KLK5: variants seen among roughly 807,000 people sequenced by gnomAD.
KLK5 encodes kallikrein-5.
KLK5 carries 18 observed loss-of-function variants against 24.0 expected under a neutral mutation model. The ratio of observed to expected loss-of-function variants is 0.75; its 90% CI spans 0.52 to 1.11. KLK5 has a LOEUF of 1.11. KLK5 is among the 50% of genes most tolerant of loss of function. The probability of loss-of-function intolerance (pLI) is 0.00; values close to 1 mark genes in which losing one functional copy is unlikely to be tolerated. For synonymous variants in KLK5, 140 were observed against 154.0 expected, an observed-to-expected ratio of 0.91 and a Z score of 0.67; for missense variants, 374 against 379.2, an observed-to-expected ratio of 0.99 and a Z score of 0.11.
chr19:50,948,527 A>G (rs1751778371), intron 5 of KLK5, 113 bp downstream of exon 5: 1 of 1,023,128 alleles, frequency 9.8e-7, no homozygotes, highest in Non-Finnish European at 1.5e-6. Flanking sequence ...GCTCTGTGAG[A>G]ACAGGGGTCC....
chr19:50,950,061 G>C lies in KLK5; in HGVS notation c.129C>G (p.Pro43=). 1 of 1,613,834 alleles carries C rather than the reference G, an allele frequency of 6.2e-7. No individual in the cohort carries two copies. Among genetic ancestry groups the C allele is most frequent in the Non-Finnish European group, 8.5e-7 (1 of 1,179,966 alleles). ...CTCCCAGGTCCTGGTTGCTCCCAGA[G>C]GGCACGGTGTTAGAGGGGTGGTCAC... The part of the protein sequence containing the change: ...VSCDHPSNTV[P]SGSNQDLGAG... The change falls in exon 3 of 6, where the codon CCC becomes CCG. Residue 43 remains proline, a synonymous_variant. Coordinates refer to ENST00000336334, the MANE Select transcript of KLK5 (RefSeq NM_012427.5).
chr19:50,948,320 G>A (rs529591986), intron 5 of KLK5, among the ~76,000 whole-genome samples: 33 of 151,880 alleles, frequency 2.2e-4, no homozygotes, highest in East Asian at 3.9e-4. Flanking sequence ...ACAGAGTTTC[G>A]CCATGTTGGC....
At chr19:50,949,782 CCCACCCCCA>C in intron 3 of KLK5, 64 bp downstream of exon 3, 3 of 233,758 alleles carry the variant, frequency 1.3e-5, no homozygotes, top group Non-Finnish European at 2.1e-5. Flanking sequence ...CCATGACACC[CCCACCCCCA>C]CTTCCCCACC....
intron 2 of KLK5, among the ~76,000 whole-genome samples, chr19:50,951,430 A>G (rs1388778082): frequency 1.3e-5 from 2 of 151,610 alleles, no homozygotes; most frequent in African/African-American, 4.8e-5. Context: ...GCGCCACCAC[A>G]CCAGCTAATT....
At position 50,947,351 on chromosome 19, in the gene KLK5, T is replaced by C. The variant is rs2090644647; in HGVS notation, c.726+1289A>G. Among the ~76,000 whole-genome samples the C allele has an allele frequency of 6.6e-6, 1 of 152,208 alleles. No individual in the cohort carries two copies. Among genetic ancestry groups the C allele is most frequent in the South Asian group, 2.1e-4 (1 of 4,830 alleles). On this transcript the variant is annotated intron_variant, in intron 5 of 5. Transcript: ENST00000336334. The surrounding 1 kb of genome is among the most constrained non-coding windows in gnomAD (Gnocchi z 8.7). The stretch of plus-strand genomic sequence containing the variant: ...CCAAATTCCTTACTGCCTCAGGGCC[T>C]TTGCACGTGCCTTTTCTTTCCCCTT...
intron 5 of KLK5, among the ~76,000 whole-genome samples, chr19:50,948,298 T>C (rs2090652772): frequency 1.3e-5 from 2 of 151,378 alleles, no homozygotes; most frequent in African/African-American, 2.4e-5. Context: ...ATTTTTGTAT[T>C]TTTTTTTAGA....
At chr19:50,949,145 C>T (rs754012980) in intron 3 of KLK5, 30 bp from the exon 4 acceptor site, 3 of 1,600,826 alleles carry the variant, frequency 1.9e-6, no homozygotes, top group South Asian at 1.1e-5. Flanking sequence ...TCACCACCAA[C>T]CCTGATCTCT....
chr19:50,950,027 C>T lies in KLK5; in HGVS notation c.163G>A (p.Gly55Arg), dbSNP rs2232532. 6.4e-3 allele frequency: 10,336 copies of T among 1,613,462 alleles called. 108 individuals carry two copies. Among genetic ancestry groups the T allele is most frequent in the Middle Eastern group, 0.024 (143 of 6,062 alleles). The part of the protein sequence containing the change: ...GSNQDLGAGA[G>R]EDARSDDSSS... ...CTGTCATCCGACCGGGCGTCTTCCC[C>T]GGCCCCAGCTCCCAGGTCCTGGTTG... The change falls in exon 3 of 6, where the codon GGG becomes AGG. Residue 55 changes from glycine (G) to arginine (R), a missense_variant. Transcript: ENST00000336334.
In KLK5 at chr19:50,943,677, C is replaced by G. The variant is rs748039264; in HGVS notation, c.836G>C (p.Cys279Ser). 1 of 1,613,970 alleles carries G rather than the reference C, an allele frequency of 6.2e-7. No homozygotes were observed. The highest frequency in any genetic ancestry group is 2.2e-5 in the East Asian group (1 of 44,866). Residue 279 changes from cysteine to serine, a missense_variant, in exon 6 of 6, where the codon TGC becomes TCC. By Grantham distance (112) the Cys-to-Ser change is moderately radical (BLOSUM62 -1). Coordinates refer to ENST00000336334, the MANE Select transcript of KLK5 (RefSeq NM_012427.5). ...TTCCTGGATCCACTTGGTGAACTTG[C>G]AGAGGTTCGTGTAGACACCCGGTCT... ...PNRPGVYTNL[C>S]KFTKWIQETI...
chr19:50,948,412 T>C (rs268903), intron 5 of KLK5, among the ~76,000 whole-genome samples: 73,077 of 151,998 alleles, frequency 0.48, 18,841 homozygotes, highest in African/African-American at 0.66. Flanking sequence ...TGTGAGCCAC[T>C]GCGCCCAGCC....
rs2090658361 is a variant in KLK5 at position 50,948,861 on chromosome 19, TG to T, written c.589del (p.Gln197LysfsTer11). On this transcript the variant is annotated frameshift_variant, in exon 4 of 6. Coordinates refer to ENST00000336334, the MANE Select transcript of KLK5 (RefSeq NM_012427.5). LOFTEE classifies it high-confidence loss of function. ...TCAAGAAGAACCTGGACACTCACCT[TG>T]GGGGCTCTTGGTTGTCCCCCAGCCA... ...VSGWGTTKSP[Q>X]VHFPKVLQCL... The T allele has an allele frequency of 7.4e-6, 12 of 1,613,958 alleles. No individual in the cohort carries two copies. In the Admixed American group the frequency reaches 1.5e-4, roughly 20 times the overall value.
chr19:50,948,655 AC>A lies in KLK5; in HGVS notation c.710del (p.Gly237ValfsTer76). On this transcript the variant is annotated frameshift_variant, in exon 5 of 6. Transcript: ENST00000336334. LOFTEE classifies it low-confidence loss of function (END_TRUNC). Reference protein sequence around the residue: ...DTMFCAGDKAGRDSCQGDSGG... With the variant: ...DTMFCAGDKAXRDSCQGDSGG... ...GTGTCCTCACCTGGCAGGAGTCTCT[AC>A]CTGCTTTGTCACCGGCGCAGAACAT... The A allele has an allele frequency of 6.2e-7, 1 of 1,613,950 alleles. No homozygotes were observed. The highest frequency in any genetic ancestry group is 8.5e-7 in the Non-Finnish European group (1 of 1,179,966).
In KLK5 at chr19:50,948,999, G is replaced by C. The variant is rs1184258841; in HGVS notation, c.452C>G (p.Ser151Cys). ...PHPGYSHPGH[S>C]NDLMLIKLNR... is the part of the protein sequence containing the mutation. ...CAGTTTGATGAGCATGAGGTCGTTA[G>C]AGTGGCCAGGGTGGGAGTAGCCAGG... The change falls in exon 4 of 6, where the codon TCT (serine) becomes TGT (cysteine). Residue 151 changes from serine (S) to cysteine (C), a missense_variant. By Grantham distance (112) the Ser-to-Cys change is moderately radical (BLOSUM62 -1). Coordinates refer to ENST00000336334, the MANE Select transcript of KLK5 (RefSeq NM_012427.5). The C allele has an allele frequency of 7.4e-6, 12 of 1,613,888 alleles. No homozygotes were observed. The highest frequency in any genetic ancestry group is 8.5e-6 in the Non-Finnish European group (10 of 1,179,990).
chr19:50,948,037 G>T (rs560853007), intron 5 of KLK5, among the ~76,000 whole-genome samples: 2 of 152,086 alleles, frequency 1.3e-5, no homozygotes, highest in African/African-American at 4.8e-5. Context: ...ATTCATAATT[G>T]TTTTATATTA....
intron 3 of KLK5, 24 bp from the exon 4 acceptor site, chr19:50,949,139 C>T: frequency 6.2e-7 from 1 of 1,605,114 alleles, no homozygotes; most frequent in Non-Finnish European, 8.5e-7. Flanking sequence ...GGCAGGTCAC[C>T]ACCAACCCTG....
At chr19:50,945,058 T>C (rs1383192686) in intron 5 of KLK5, among the ~76,000 whole-genome samples, 218 of 135,364 alleles carry the variant, frequency 1.6e-3, no homozygotes, top group Admixed American at 4.9e-3. Context: ...CTTCCTTTCT[T>C]TCTCCTTCCT....
Position 50,952,666 on chromosome 19 carries a change from C to T in KLK5, c.-9G>A. On this transcript the variant is annotated splice_region_variant and 5_prime_UTR_variant, in exon 2 of 6. Transcript: ENST00000336334. ...GGTCTTGCTGTAGCCATGGCCGCTG[C>T]ACCTGGATGGGGAATGTCAGAGGGT... 1.3e-6 allele frequency: 2 copies of T among 1,593,510 alleles called. No homozygotes were observed. Among genetic ancestry groups the T allele is most frequent in the Non-Finnish European group, 1.7e-6 (2 of 1,169,880 alleles).
chr19:50,943,798 A>G lies in KLK5; in HGVS notation c.727-12T>C. 6.2e-7 allele frequency: 1 copy of G among 1,605,814 alleles called. No individual in the cohort carries two copies. The highest frequency in any genetic ancestry group is 8.5e-7 in the Non-Finnish European group (1 of 1,174,134). On this transcript the variant is annotated splice_polypyrimidine_tract_variant and intron_variant, in intron 5 of 5. Transcript: ENST00000336334. Reference sequence around the variant, plus strand: ...CCCCCAGAATCACCCTGCAGGAGAGAAAGGGGGGCATGAGAGAGGCAGAGA... The same window carrying G: ...CCCCCAGAATCACCCTGCAGGAGAGGAAGGGGGGCATGAGAGAGGCAGAGA...
chr19:50,945,838 CA>C lies in KLK5; in HGVS notation c.727-2053del, dbSNP rs1394402784. Among the ~76,000 whole-genome samples the C allele has an allele frequency of 2.6e-5, 3 of 114,382 alleles. No individual in the cohort carries two copies. The Admixed American group carries it at 3.0e-4, about 11-fold the overall frequency. 75.0% of individuals were successfully genotyped at this position (114,382 alleles called of 152,430 possible). ...AAAAGAAATAAATATGTACATACTA[CA>C]ATAATGATGTAAGTGGTATGAATAA... On this transcript the variant is annotated intron_variant, in intron 5 of 5. Transcript: ENST00000336334.
Sources: gnomAD v4.1 joint callset for allele counts (sites outside exome capture counted in the v4.1 genomes callset) on GRCh38, gnomAD v4.1.1 for gene constraint, Gnocchi (gnomAD v3.1) non-coding constraint, MANE v1.5 for transcripts, NCBI Gene and HGNC (gene_info 2026-07-23, HGNC 2026-07-21) for gene names.